Variants in DNAJC11 observed in about 807,000 individuals in gnomAD.
DNAJC11 encodes the protein dnaJ homolog subfamily C member 11.
In DNAJC11, 15 loss-of-function variants were observed where a neutral mutation model predicts 78.6. That is an observed-to-expected ratio of 0.19 (90% CI 0.13 to 0.29). The LOEUF (loss-of-function observed/expected upper bound fraction) is 0.29. DNAJC11 is among the 10% of genes least tolerant of loss of function. DNAJC11 has a pLI of 1.00. For missense variants in DNAJC11, 547 were observed against 709.6 expected (o/e 0.77, Z 2.60); for synonymous variants, 292 against 272.1 (o/e 1.07, Z -0.72).
intron 1 of DNAJC11, among the ~76,000 whole-genome samples, chr1:6,683,003 T>C (rs75305802): frequency 0.016 from 2,443 of 152,292 alleles, 32 homozygotes; most frequent in Middle Eastern, 0.027. Flanking sequence ...GAGGCAACTC[T>C]GCTGCATGCC....
intron 4 of DNAJC11, among the ~76,000 whole-genome samples, chr1:6,656,509 A>C (rs1383668646): frequency 6.6e-6 from 1 of 152,154 alleles, no homozygotes; most frequent in East Asian, 1.9e-4. Flanking sequence ...TTATGTTCTA[A>C]TATGAAGAAA....
intron 4 of DNAJC11, among the ~76,000 whole-genome samples, chr1:6,664,260 G>A (rs1468625137): frequency 6.1e-5 from 9 of 146,518 alleles, no homozygotes; most frequent in African/African-American, 1.5e-4. Flanking sequence ...TTTTTTTTGA[G>A]ACAGAGTCTC....
At chr1:6,674,160 C>T (rs1189611397) in intron 3 of DNAJC11, among the ~76,000 whole-genome samples, 2 of 152,164 alleles carry the variant, frequency 1.3e-5, no homozygotes, top group African/African-American at 4.8e-5. Context: ...ACATCACTAA[C>T]CAACCTCAAG....
rs1403443360 is a variant in DNAJC11 at position 6,653,597 on chromosome 1, G to C, written c.507+314C>G. Among the ~76,000 whole-genome samples the C allele has an allele frequency of 2.0e-5, 3 of 152,134 alleles. No individual in the cohort carries two copies. Among genetic ancestry groups the C allele is most frequent in the African/African-American group, 4.8e-5 (2 of 41,416 alleles). ...AAACTGGTTGTTAGAATGATCCATG[G>C]AGGTCTGCTTTCTCTCCCAGAACCC... On this transcript the variant is annotated intron_variant, in intron 5 of 15. Transcript: ENST00000377577. This position sits in a 1 kb window ranked among gnomAD's most constrained non-coding sequence, Gnocchi z 4.5.
intron 1 of DNAJC11, among the ~76,000 whole-genome samples, chr1:6,691,120 C>A (rs1642738153): frequency 6.6e-6 from 1 of 151,342 alleles, no homozygotes; most frequent in Non-Finnish European, 1.5e-5. Flanking sequence ...AAACACAATA[C>A]CTCCAAGATG....
At chr1:6,678,330 T>C (rs1642504125) in intron 3 of DNAJC11, 64 bp downstream of exon 3, 10 of 1,404,956 alleles carry the variant, frequency 7.1e-6, no homozygotes, top group Non-Finnish European at 9.1e-6. Flanking sequence ...TGCAGGGTTT[T>C]GGGGAGATGT....
At position 6,680,792 on chromosome 1, in the gene DNAJC11, C is replaced by T. The variant is rs1642539240; in HGVS notation, c.202+116G>A. 1 of 1,296,770 alleles carries T rather than the reference C, an allele frequency of 7.7e-7. No homozygotes were observed. Among genetic ancestry groups the T allele is most frequent in the Admixed American group, 2.4e-5 (1 of 42,308 alleles). 80.3% of individuals were successfully genotyped at this position (1,296,770 alleles called of 1,614,324 possible). On this transcript the variant is annotated intron_variant, in intron 2 of 15. Transcript: ENST00000377577. This position sits in a 1 kb window ranked among gnomAD's most constrained non-coding sequence, Gnocchi z 4.0. ...CTGTCAGTGAAAAGTACTAAACTAACCACCTGTTTTATATACCTCTAAGGA... is the reference window on the plus strand; with the variant it reads ...CTGTCAGTGAAAAGTACTAAACTAATCACCTGTTTTATATACCTCTAAGGA...
rs1641889523 is a variant in DNAJC11 at position 6,642,288 on chromosome 1, T to G, written c.1098-2231A>C. Among the ~76,000 whole-genome samples the G allele has an allele frequency of 2.6e-5, 4 of 152,208 alleles. No homozygotes were observed. The South Asian group carries it at 8.3e-4, about 32-fold the overall frequency. On this transcript the variant is annotated intron_variant, in intron 10 of 15. Coordinates refer to ENST00000377577, the MANE Select transcript of DNAJC11 (RefSeq NM_018198.4). ...GACAGACGTGAACTGCCTTCAATTT[T>G]AAAAAGGACTCTCCTACGGAAAGCA...
chr1:6,696,225 C>T (rs562789525), intron 1 of DNAJC11, among the ~76,000 whole-genome samples: 14 of 152,298 alleles, frequency 9.2e-5, no homozygotes, highest in African/African-American at 3.1e-4. Flanking sequence ...AGGAACTGAC[C>T]TTTTCAGAGC....
intron 11 of DNAJC11, among the ~76,000 whole-genome samples, chr1:6,638,871 T>C (rs1641828699): frequency 6.6e-6 from 1 of 152,184 alleles, no homozygotes; most frequent in African/African-American, 2.4e-5. Context: ...CAGATCCGCT[T>C]TCCTGTAACA....
intron 4 of DNAJC11, among the ~76,000 whole-genome samples, chr1:6,655,331 A>G (rs757794691): frequency 1.3e-5 from 2 of 152,242 alleles, no homozygotes; most frequent in Non-Finnish European, 2.9e-5. Flanking sequence ...CCCATGGACT[A>G]GAAACATCCT....
chr1:6,640,692 C>T (rs1191287598), intron 10 of DNAJC11, among the ~76,000 whole-genome samples: 5 of 151,910 alleles, frequency 3.3e-5, no homozygotes, highest in Admixed American at 6.6e-5. Context: ...ATTAGCCGGG[C>T]GTGGTGGTAC....
intron 1 of DNAJC11, among the ~76,000 whole-genome samples, chr1:6,701,462 G>A (rs1303985576): frequency 6.6e-6 from 1 of 152,230 alleles, no homozygotes; most frequent in Non-Finnish European, 1.5e-5. Context: ...AGCGTGCGGG[G>A]GCCTCTGGCC....
Position 6,645,742 on chromosome 1 carries a change from G to T in DNAJC11, c.894+47C>A. On this transcript the variant is annotated intron_variant, in intron 8 of 15. Coordinates refer to ENST00000377577, the MANE Select transcript of DNAJC11 (RefSeq NM_018198.4). The surrounding 1 kb of genome is among the most constrained non-coding windows in gnomAD (Gnocchi z 4.1). Reference sequence around the variant, plus strand: ...GAGCACTGAGTGCTTGGGAGGAGGGGTCCTCCCAGAGCTCTGTCTGCAGGA... The same window carrying T: ...GAGCACTGAGTGCTTGGGAGGAGGGTTCCTCCCAGAGCTCTGTCTGCAGGA... 6.3e-7 allele frequency: 1 copy of T among 1,584,104 alleles called. No individual in the cohort carries two copies. The highest frequency in any genetic ancestry group is 8.7e-7 in the Non-Finnish European group (1 of 1,155,270).
At chr1:6,699,904 C>T (rs1476765659) in intron 1 of DNAJC11, among the ~76,000 whole-genome samples, 7 of 152,158 alleles carry the variant, frequency 4.6e-5, no homozygotes, top group Admixed American at 2.6e-4. Flanking sequence ...CCCATACATT[C>T]GAGGGATTCT....
At chr1:6,678,511 C>T (rs748311491) in intron 2 of DNAJC11, 44 bp from the exon 3 acceptor site, 14 of 1,507,836 alleles carry the variant, frequency 9.3e-6, no homozygotes, top group African/African-American at 1.4e-5. Flanking sequence ...ACAAAATTCA[C>T]CTTCAGTCCT....
chr1:6,637,600 A>C, intron 12 of DNAJC11, 96 bp from the exon 13 acceptor site: 2 of 1,393,660 alleles, frequency 1.4e-6, no homozygotes, highest in South Asian at 2.3e-5. Context: ...CCACGTCAAC[A>C]TACTTGCTCA....
At chr1:6,675,963 C>T (rs1262633816) in intron 3 of DNAJC11, among the ~76,000 whole-genome samples, 1 of 152,162 alleles carries the variant, frequency 6.6e-6, no homozygotes, top group African/African-American at 2.4e-5. Flanking sequence ...CAACCCACAT[C>T]TTAAAAAAAC....
At chr1:6,647,390 C>T (rs1012567901) in intron 7 of DNAJC11, among the ~76,000 whole-genome samples, 7 of 151,846 alleles carry the variant, frequency 4.6e-5, no homozygotes, top group Admixed American at 3.9e-4. Context: ...GCCAACAGGT[C>T]GATATTTTTG....
Sources: gnomAD v4.1 joint callset for allele counts (sites outside exome capture counted in the v4.1 genomes callset) on GRCh38, gnomAD v4.1.1 for gene constraint, Gnocchi (gnomAD v3.1) non-coding constraint, MANE v1.5 for transcripts, NCBI Gene and HGNC (gene_info 2026-07-23, HGNC 2026-07-21) for gene names.